CARD14: variants seen among roughly 807,000 people sequenced by gnomAD.
CARD14 encodes caspase recruitment domain family member 14.
A neutral mutation model predicts 111.5 loss-of-function variants in CARD14; 107 were observed. The ratio of observed to expected loss-of-function variants is 0.96; its 90% confidence interval spans 0.82 to 1.13. The LOEUF (loss-of-function observed/expected upper bound fraction) is 1.13, where lower values mean the gene tolerates loss of function less well. CARD14 is among the 50% of genes most tolerant of loss of function. The pLI, the probability that CARD14 is intolerant of heterozygous loss-of-function variation, is 0.00. For synonymous variants in CARD14, 617 were observed against 579.6 expected (o/e 1.06, Z -0.93); for missense variants, 1,322 against 1,362.3 (o/e 0.97, Z 0.47).
chr17:80,195,045 G>A lies in CARD14; in HGVS notation c.1357-146G>A. ...GGCATACAGCAGGTGCTCAGCGCAT[G>A]TGACCCCATGTGTGTCCTTCTTTCC... On this transcript the variant is annotated intron_variant, in intron 12 of 23. Transcript: ENST00000648509. The surrounding 1 kb of genome is among the most constrained non-coding windows in gnomAD (Gnocchi z 4.7). The A allele has an allele frequency of 1.0e-6, 1 of 996,716 alleles. No individual in the cohort carries two copies. The allele number at this position is 996,716 out of a possible 1,614,324, so 61.7% of individuals were successfully genotyped here. A position where few individuals can be genotyped will look rare whatever the true frequency, so the allele number is the denominator to read the frequency against.
At chr17:80,191,614 A>C (rs2040531984) in intron 11 of CARD14, 142 bp downstream of exon 11, 4 of 1,008,480 alleles carry the variant, frequency 4.0e-6, no homozygotes, top group Non-Finnish European at 5.7e-6. Flanking sequence ...GCACCTGCAG[A>C]GACGGCCCAG....
intron 22 of CARD14, chr17:80,206,061 T>G (rs999184157): frequency 6.0e-6 from 1 of 166,890 alleles, no homozygotes; most frequent in Admixed American, 5.7e-5. Flanking sequence ...CTGGCGGAGC[T>G]CCATGCCAAG....
At chr17:80,180,125 G>A (rs536183309) in intron 4 of CARD14, among the ~76,000 whole-genome samples, 1 of 152,338 alleles carries the variant, frequency 6.6e-6, no homozygotes, top group South Asian at 2.1e-4. Flanking sequence ...CAGGGGCACA[G>A]TGGGGTACAC....
intron 2 of CARD14, among the ~76,000 whole-genome samples, chr17:80,174,042 T>C (rs1403021216): frequency 6.6e-6 from 1 of 152,126 alleles, no homozygotes; most frequent in Non-Finnish European, 1.5e-5. Context: ...AGTGACATTA[T>C]GTAAAATCAA....
intron 2 of CARD14, among the ~76,000 whole-genome samples, chr17:80,176,992 G>A (rs113080632): frequency 6.6e-6 from 1 of 152,172 alleles, no homozygotes; most frequent in Non-Finnish European, 1.5e-5. Context: ...CACAAACTGG[G>A]TGGCTTAAAA....
chr17:80,192,909 G>A (rs1274220300), intron 12 of CARD14, among the ~76,000 whole-genome samples: 1 of 152,082 alleles, frequency 6.6e-6, no homozygotes, highest in Non-Finnish European at 1.5e-5. Flanking sequence ...CTGCCACCAT[G>A]CCCAGCTAAT....
chr17:80,174,178 G>A (rs906632591), intron 2 of CARD14, among the ~76,000 whole-genome samples: 3 of 151,936 alleles, frequency 2.0e-5, no homozygotes, highest in Non-Finnish European at 4.4e-5. Context: ...TCCACAAAAC[G>A]GAAAATACAA....
At chr17:80,172,698 A>T (rs1054588707) in intron 1 of CARD14, among the ~76,000 whole-genome samples, 1 of 152,050 alleles carries the variant, frequency 6.6e-6, no homozygotes, top group African/African-American at 2.4e-5. Context: ...TTACTCCAGG[A>T]CAAGAGTCAT....
At position 80,188,352 on chromosome 17, in the gene CARD14, T is replaced by C; in HGVS notation, c.676-25T>C. On this transcript the variant is annotated intron_variant, in intron 7 of 23. Transcript: ENST00000648509. This position sits in a 1 kb window ranked among gnomAD's most constrained non-coding sequence, Gnocchi z 4.5. Reference sequence around the variant, plus strand: ...AGGGGAGAAGCTGTTTCCATCGCCCTTCCTGTCGCCTCCCCACCGCACAGC... The same window carrying C: ...AGGGGAGAAGCTGTTTCCATCGCCCCTCCTGTCGCCTCCCCACCGCACAGC... 6.2e-7 allele frequency: 1 copy of C among 1,601,858 alleles called. No individual in the cohort carries two copies. Among genetic ancestry groups the C allele is most frequent in the Non-Finnish European group, 8.5e-7 (1 of 1,174,452 alleles).
At chr17:80,178,893 C>T (rs1045728322) in intron 3 of CARD14, among the ~76,000 whole-genome samples, 2 of 152,142 alleles carry the variant, frequency 1.3e-5, no homozygotes, top group African/African-American at 4.8e-5. Flanking sequence ...CTACAGGCAC[C>T]CGTCACCATG....
Position 80,193,861 on chromosome 17 carries a change from C to T in CARD14, c.1356+1242C>T, listed in dbSNP as rs534394026. On this transcript the variant is annotated intron_variant, in intron 12 of 23. Transcript: ENST00000648509. ...ACTCTCGCATCTGCCTTAACGCCCTCTGTGCCCCCATTCCCCACAGGACAG... is the reference window on the plus strand; with the variant it reads ...ACTCTCGCATCTGCCTTAACGCCCTTTGTGCCCCCATTCCCCACAGGACAG... Among the ~76,000 whole-genome samples, 3 of 152,314 alleles carry T rather than the reference C, an allele frequency of 2.0e-5. 1 individual carries two copies. The South Asian group carries it at 6.2e-4, about 32-fold the overall frequency.
chr17:80,173,401 G>C (rs2039955660), intron 2 of CARD14, among the ~76,000 whole-genome samples, 173 bp downstream of exon 2: 1 of 152,052 alleles, frequency 6.6e-6, no homozygotes, highest in South Asian at 2.1e-4. Flanking sequence ...CACATAGATT[G>C]AGGGACTCCC....
At chr17:80,176,736 C>T (rs999453347) in intron 2 of CARD14, among the ~76,000 whole-genome samples, 1 of 152,134 alleles carries the variant, frequency 6.6e-6, no homozygotes. Flanking sequence ...TTAAAACAAA[C>T]GCACCATCCT....
rs1415096562 is a variant in CARD14 at position 80,207,082 on chromosome 17, T to C, written c.2804T>C (p.Leu935Pro). The C allele has an allele frequency of 6.2e-7, 1 of 1,611,762 alleles. No homozygotes were observed. Among genetic ancestry groups the C allele is most frequent in the African/African-American group, 1.3e-5 (1 of 74,878 alleles). ...GTCAACGAGAAGATGGCAAAGAAGC[T>C]CAAGTAGGTGCACGCTGGGGGCTGG... ...VSVNEKMAKK[L>P]KKGLQRLGTS... is the part of the protein sequence containing the mutation. The change falls in exon 23 of 24, where the codon CTC becomes CCC. Residue 935 changes from leucine (L) to proline (P), a missense_variant. Coordinates refer to ENST00000648509, the MANE Select transcript of CARD14 (RefSeq NM_001366385.1).
rs191224410 is a variant in CARD14, at chr17:80,194,441, C to T, written c.1357-750C>T. On this transcript the variant is annotated intron_variant, in intron 12 of 23. Coordinates refer to ENST00000648509, the MANE Select transcript of CARD14 (RefSeq NM_001366385.1). ...CACATCTGGTGGCCTCAGCGCCTCG[C>T]ACGTCACATTTGTCAGTGTGCACTC... Among the ~76,000 whole-genome samples, 4 of 152,320 alleles carry T rather than the reference C, an allele frequency of 2.6e-5. No homozygotes were observed. The East Asian group carries it at 7.7e-4, about 29-fold the overall frequency.
Position 80,171,205 on chromosome 17 carries a change from CCCTTCCTTCCTTCCTT to C in CARD14, c.-690+1175_-690+1190del, listed in dbSNP as rs59738447. On this transcript the variant is annotated intron_variant, in intron 1 of 23. Coordinates refer to ENST00000648509, the MANE Select transcript of CARD14 (RefSeq NM_001366385.1). ...TCCCTCCCTCCCTCCCTCCCTCCCTCCCTTCCTTCCTTCCTTCCTTCCTTCCTTCCTTCCTTCCTTC... is the reference window on the plus strand; with the variant it reads ...TCCCTCCCTCCCTCCCTCCCTCCCTCCCTTCCTTCCTTCCTTCCTTCCTTC... Among the ~76,000 whole-genome samples, 80 of 41,134 alleles carry C rather than the reference CCCTTCCTTCCTTCCTT, an allele frequency of 1.9e-3. 2 individuals are homozygous for C. The highest frequency in any genetic ancestry group is 2.9e-3 in the South Asian group (2 of 690). 27.0% of individuals were successfully genotyped at this position (41,134 alleles called of 152,430 possible). A position where few individuals can be genotyped will look rare whatever the true frequency, so the allele number is the denominator to read the frequency against.
At chr17:80,172,056 G>A (rs2039914632) in intron 1 of CARD14, among the ~76,000 whole-genome samples, 2 of 152,248 alleles carry the variant, frequency 1.3e-5, no homozygotes, top group Admixed American at 1.3e-4. Context: ...GCTGCAAGCT[G>A]GAGATGTGGC....
At chr17:80,176,171 T>C (rs1211620487) in intron 2 of CARD14, among the ~76,000 whole-genome samples, 1 of 148,748 alleles carries the variant, frequency 6.7e-6, no homozygotes, top group East Asian at 2.0e-4. Flanking sequence ...GGCTCACACC[T>C]ATAATCCTAG....
At chr17:80,170,771 T>TCCCCTCCCGTCCCCA (rs2039876370) in intron 1 of CARD14, among the ~76,000 whole-genome samples, 1 of 46,742 alleles carries the variant, frequency 2.1e-5, no homozygotes, top group Admixed American at 2.3e-4. Context: ...GGCCCTCCCC[T>TCCCCTCCCGTCCCCA]CCCCTCCCGT....
Sources: allele counts gnomAD v4.1 joint callset (sites outside exome capture counted in the v4.1 genomes callset), GRCh38; gene constraint gnomAD v4.1.1; non-coding constraint Gnocchi (gnomAD v3.1); transcripts MANE v1.5; gene names NCBI Gene and HGNC (gene_info 2026-07-23, HGNC 2026-07-21).